Variants in VGLL4 observed in about 807,000 individuals in gnomAD.
VGLL4 encodes the protein vestigial like family member 4.
In VGLL4, 7 loss-of-function variants were observed where a neutral mutation model predicts 21.0. The ratio of observed to expected loss-of-function variants is 0.33; its 90% CI spans 0.19 to 0.63. The LOEUF is 0.63. Ranked by LOEUF, VGLL4 falls within the 20% of genes least tolerant of loss-of-function variation. The pLI is 0.78. For synonymous variants in VGLL4, 222 were observed against 173.2 expected, an observed-to-expected ratio of 1.28 and a Z score of -2.21; for missense variants, 394 against 425.7, an observed-to-expected ratio of 0.93 and a Z score of 0.66.
At chr3:11,672,285 T>G (rs1405822184) in intron 2 of VGLL4, among the ~76,000 whole-genome samples, 3 of 152,190 alleles carry the variant, frequency 2.0e-5, no homozygotes, top group Non-Finnish European at 1.5e-5. Context: ...AATGCAAAAA[T>G]CTTTCAGACA....
chr3:11,643,379 A>G, intron 1 of VGLL4, 58 bp downstream of exon 1: 1 of 1,613,224 alleles, frequency 6.2e-7, no homozygotes, highest in Non-Finnish European at 8.5e-7. Flanking sequence ...CACCCAGCAC[A>G]CTGAGGAGGA....
At chr3:11,638,818 C>T (rs1007756256) in intron 1 of VGLL4, among the ~76,000 whole-genome samples, 4 of 152,144 alleles carry the variant, frequency 2.6e-5, no homozygotes, top group Non-Finnish European at 5.9e-5. Context: ...CTCCACTCAA[C>T]CGCTGGTGGT....
chr3:11,598,799 T>C (rs1178538680), intron 2 of VGLL4, among the ~76,000 whole-genome samples: 1 of 152,194 alleles, frequency 6.6e-6, no homozygotes, highest in Non-Finnish European at 1.5e-5. Flanking sequence ...GCCAAAACTC[T>C]TTTCCAATAA....
chr3:11,568,942 A>T lies in VGLL4; in HGVS notation c.273-3923T>A. 8.2e-7 allele frequency: 1 copy of T among 1,223,790 alleles called. No individual in the cohort carries two copies. Among genetic ancestry groups the T allele is most frequent in the Non-Finnish European group, 1.0e-6 (1 of 973,910 alleles). The allele number at this position is 1,223,790 out of a possible 1,614,324, so 75.8% of individuals were successfully genotyped here. On this transcript the variant is annotated intron_variant, in intron 2 of 4. Transcript: ENST00000430365. This position sits in a 1 kb window ranked among gnomAD's most constrained non-coding sequence, Gnocchi z 5.9. ...CGGGCACTTCCACTGCCAGCTGCCC[A>T]CGGAGAGAAAGATGGAAAGAGGAGG...
At chr3:11,573,005 A>C (rs1023216781) in intron 2 of VGLL4, among the ~76,000 whole-genome samples, 1 of 151,748 alleles carries the variant, frequency 6.6e-6, no homozygotes, top group Admixed American at 6.6e-5. Flanking sequence ...CCCTCTACTA[A>C]AAATACAAAA....
chr3:11,556,264 T>C lies in VGLL4; in HGVS notation c.*2292A>G, dbSNP rs981728636. 2 of 152,668 alleles carry C rather than the reference T, an allele frequency of 1.3e-5. No individual in the cohort carries two copies. The highest frequency in any genetic ancestry group is 6.5e-5 in the Admixed American group (1 of 15,272). The allele number at this position is 152,668 out of a possible 1,614,324, so 9.5% of individuals were successfully genotyped here. On this transcript the variant is annotated 3_prime_UTR_variant, in exon 5 of 5. Coordinates refer to ENST00000430365, the MANE Select transcript of VGLL4 (RefSeq NM_001128219.3). ...TCTGGGAAGAACTTCACGGAGCCCC[T>C]TCTTAGAGCAGGGAGGGGGCTTTCT...
chr3:11,707,324 C>A lies in VGLL4; in HGVS notation c.-13-4277G>T, dbSNP rs1380552712. Among the ~76,000 whole-genome samples, 3 of 88,724 alleles carry A rather than the reference C, an allele frequency of 3.4e-5. No individual in the cohort carries two copies. The East Asian group carries it at 1.2e-3, about 34-fold the overall frequency. 58.2% of individuals were successfully genotyped at this position (88,724 alleles called of 152,430 possible). ...GCCTGGGCAACAGAGCCAGACCCTG[C>A]CTCAAAAAAAAAAAAAAAAAAAAAA... On this transcript the variant is annotated intron_variant, in intron 1 of 5. Coordinates refer to the VGLL4 transcript ENST00000273038.
intron 2 of VGLL4, among the ~76,000 whole-genome samples, chr3:11,663,031 T>C (rs1322634727): frequency 6.6e-6 from 1 of 151,988 alleles, no homozygotes; most frequent in African/African-American, 2.4e-5. Context: ...AGTTAGGAGG[T>C]TTCTGAGAGG....
At chr3:11,675,789 T>C (rs1338307099) in intron 2 of VGLL4, among the ~76,000 whole-genome samples, 2 of 152,222 alleles carry the variant, frequency 1.3e-5, no homozygotes, top group African/African-American at 4.8e-5. Flanking sequence ...ATATAAGTTA[T>C]ACCCAATAGA....
chr3:11,574,002 C>T (rs1214626088), intron 2 of VGLL4, among the ~76,000 whole-genome samples: 1 of 152,198 alleles, frequency 6.6e-6, no homozygotes, highest in African/African-American at 2.4e-5. Context: ...CCGTCATCAA[C>T]AAGCCATGGA....
chr3:11,704,056 G>A (rs1446622492), intron 1 of VGLL4, among the ~76,000 whole-genome samples: 1 of 149,090 alleles, frequency 6.7e-6, no homozygotes, highest in Non-Finnish European at 1.5e-5. Context: ...CTAGCCTGGC[G>A]AACATGGTGA....
intron 1 of VGLL4, among the ~76,000 whole-genome samples, chr3:11,631,038 T>C (rs934801400): frequency 2.0e-5 from 3 of 152,222 alleles, no homozygotes; most frequent in Non-Finnish European, 4.4e-5. Context: ...GGTATACGCA[T>C]AAGACGACAA....
intron 2 of VGLL4, among the ~76,000 whole-genome samples, chr3:11,670,310 C>A (rs1321169759): frequency 6.6e-6 from 1 of 152,248 alleles, no homozygotes; most frequent in South Asian, 2.1e-4. Flanking sequence ...TTGTCCTAAT[C>A]CCAAACGTTA....
intron 1 of VGLL4, among the ~76,000 whole-genome samples, chr3:11,711,078 A>G (rs1311272185): frequency 2.0e-5 from 3 of 150,160 alleles, no homozygotes; most frequent in African/African-American, 7.4e-5. Context: ...CAGCCTGAGC[A>G]ACAGAGTGAG....
chr3:11,581,365 C>A (rs770677947), intron 2 of VGLL4, among the ~76,000 whole-genome samples: 1 of 152,168 alleles, frequency 6.6e-6, no homozygotes, highest in Non-Finnish European at 1.5e-5. Context: ...CCGTGCCCAG[C>A]CATGCAACTT....
At chr3:11,698,946 G>A (rs2076642354) in intron 2 of VGLL4, among the ~76,000 whole-genome samples, 1 of 152,146 alleles carries the variant, frequency 6.6e-6, no homozygotes, top group South Asian at 2.1e-4. Context: ...CAGGAGCAAA[G>A]GAAAAGAGAA....
rs1311930808 is a variant in VGLL4 at position 11,558,262 on chromosome 3, G to A, written c.*294C>T. 4.1e-6 allele frequency: 2 copies of A among 487,240 alleles called. No homozygotes were observed. Among genetic ancestry groups the A allele is most frequent in the Admixed American group, 3.5e-5 (1 of 28,624 alleles). 30.2% of individuals were successfully genotyped at this position (487,240 alleles called of 1,614,324 possible). ...AGCGCTGTGGAGTCCTGGCCCCGTC[G>A]GGGCAGCAGACCTGCATCAGAGGTT... is the stretch of plus-strand genomic sequence containing the variant. On this transcript the variant is annotated 3_prime_UTR_variant, in exon 5 of 5. Transcript: ENST00000430365.
chr3:11,582,435 T>C (rs551505449), intron 2 of VGLL4: 35 of 1,478,444 alleles, frequency 2.4e-5, no homozygotes, highest in East Asian at 7.4e-5. Context: ...GAAAGGAGGG[T>C]TGCGAGGTAA....
chr3:11,689,547 G>A (rs2076497574), intron 2 of VGLL4, among the ~76,000 whole-genome samples: 1 of 152,146 alleles, frequency 6.6e-6, no homozygotes, highest in South Asian at 2.1e-4. Context: ...AAATCTCTTT[G>A]AAGATACCGA....
Sources: gnomAD v4.1 joint callset for allele counts (sites outside exome capture counted in the v4.1 genomes callset) on GRCh38, gnomAD v4.1.1 for gene constraint, Gnocchi (gnomAD v3.1) non-coding constraint, MANE v1.5 for transcripts, NCBI Gene and HGNC (gene_info 2026-07-23, HGNC 2026-07-21) for gene names.